Variants in ZNF362 observed in about 807,000 individuals in gnomAD.
ZNF362 encodes zinc finger protein 362.
A neutral mutation model predicts 42.9 loss-of-function variants in ZNF362; 11 were observed. That is an observed-to-expected ratio of 0.26 (90% CI 0.16 to 0.42). The LOEUF (loss-of-function observed/expected upper bound fraction) is 0.42. ZNF362 is among the 20% of genes least tolerant of loss of function. The probability of loss-of-function intolerance (pLI) is 1.00; values close to 1 mark genes in which losing one functional copy is unlikely to be tolerated. For missense variants in ZNF362, 362 were observed against 576.2 expected (o/e 0.63, Z 3.81); for synonymous variants, 255 against 257.3 (o/e 0.99, Z 0.09).
At chr1:33,145,798 C>T in the ZNF362 span, 1 of 465,304 alleles carries the variant, frequency 2.1e-6, no homozygotes, top group South Asian at 1.6e-5. Context: ...GAGTTCTTCA[C>T]GATTGGATGC....
the ZNF362 span, chr1:33,146,968 A>G: frequency 5.0e-6 from 3 of 603,188 alleles, no homozygotes; most frequent in Non-Finnish European, 8.7e-6. Flanking sequence ...ATCCCTATCA[A>G]GGTCAGAGCT....
At chr1:33,287,521 G>A (rs775830958) in intron 6 of ZNF362, among the ~76,000 whole-genome samples, 5 of 152,148 alleles carry the variant, frequency 3.3e-5, no homozygotes, top group Non-Finnish European at 5.9e-5. Context: ...TGTTTTGGGA[G>A]GAAGTTAAGT....
chr1:33,236,162 C>T, the ZNF362 span, among the ~76,000 whole-genome samples: 873 of 151,946 alleles, frequency 5.7e-3, 18 homozygotes, highest in East Asian at 0.083. Context: ...GCTGGATTAG[C>T]GCAATGAATT....
chr1:33,256,773 G>T (rs1363627930), intron 1 of ZNF362, 119 bp downstream of exon 1: 1 of 145,986 alleles, frequency 6.8e-6, no homozygotes, highest in Non-Finnish European at 1.5e-5. Flanking sequence ...CTGTCAGCGC[G>T]GGCCGGGGCG....
chr1:33,216,391 G>A, the ZNF362 span, among the ~76,000 whole-genome samples: 2 of 148,364 alleles, frequency 1.3e-5, no homozygotes, highest in African/African-American at 2.5e-5. Flanking sequence ...CATGAGGTCA[G>A]GAGTTCGAGA....
At chr1:33,297,351 C>CCAA (rs1557801698) in intron 8 of ZNF362, among the ~76,000 whole-genome samples, 1 of 151,646 alleles carries the variant, frequency 6.6e-6, no homozygotes, top group Non-Finnish European at 1.5e-5. Context: ...CTTTATCTCT[C>CCAA]TGATAAAGAC....
the ZNF362 span, among the ~76,000 whole-genome samples, chr1:33,193,022 T>TATATAC: frequency 7.2e-6 from 1 of 139,248 alleles, no homozygotes; most frequent in East Asian, 2.1e-4. Flanking sequence ...TATATATATA[T>TATATAC]ACGCATATAT....
At chr1:33,212,965 C>T in the ZNF362 span, among the ~76,000 whole-genome samples, 106,934 of 152,012 alleles carry the variant, frequency 0.7, 38,145 homozygotes, top group Non-Finnish European at 0.76. Flanking sequence ...GTCCCAAATC[C>T]ATGGATGAAT....
the ZNF362 span, among the ~76,000 whole-genome samples, chr1:33,250,913 TGG>T: frequency 1.6e-4 from 15 of 91,038 alleles, no homozygotes; most frequent in African/African-American, 5.9e-4. Flanking sequence ...AGAAGGTGCA[TGG>T]TTGATGCTTG....
chr1:33,130,767 C>G, the ZNF362 span, among the ~76,000 whole-genome samples: 1 of 152,182 alleles, frequency 6.6e-6, no homozygotes, highest in Non-Finnish European at 1.5e-5. Flanking sequence ...GGATTAGAAG[C>G]AAAGACAGAA....
the ZNF362 span, among the ~76,000 whole-genome samples, chr1:33,206,805 A>G: frequency 6.6e-6 from 1 of 152,302 alleles, no homozygotes; most frequent in African/African-American, 2.4e-5. Flanking sequence ...ATATATGCAG[A>G]TGGAAAATTA....
chr1:33,192,979 C>CCG, the ZNF362 span, among the ~76,000 whole-genome samples: 4 of 139,810 alleles, frequency 2.9e-5, no homozygotes, highest in African/African-American at 1.0e-4. Context: ...GTCTCTCTCT[C>CCG]CACACACACA....
At chr1:33,144,200 G>A in the ZNF362 span, among the ~76,000 whole-genome samples, 41 of 151,218 alleles carry the variant, frequency 2.7e-4, no homozygotes, top group Non-Finnish European at 5.6e-4. Context: ...GCAATGGCGC[G>A]ATCTCCAGCT....
the ZNF362 span, among the ~76,000 whole-genome samples, chr1:33,191,194 C>A: frequency 3.3e-5 from 5 of 152,104 alleles, no homozygotes; most frequent in African/African-American, 1.2e-4. Context: ...AATTTTATAC[C>A]TACTTAAGAA....
At position 33,295,290 on chromosome 1, in the gene ZNF362, G is replaced by A. The variant is rs867453488; in HGVS notation, c.1131G>A (p.Gly377=). The change falls in exon 8 of 9, where the codon GGG becomes GGA. Residue 377 remains glycine (G), a synonymous_variant. Coordinates refer to ENST00000539719, the MANE Select transcript of ZNF362 (RefSeq NM_152493.3). ...AGGCCTACTGCTGCAGCATGTGTGG[G>A]CGGGCCTACACCTCGGTGAGTGCCG... ...HAKAYCCSMC[G]RAYTSETYLM... is the part of the protein sequence containing the mutation. 1.9e-6 allele frequency: 3 copies of A among 1,614,154 alleles called. No individual in the cohort carries two copies. The highest frequency in any genetic ancestry group is 1.7e-6 in the Non-Finnish European group (2 of 1,180,022).
intron 6 of ZNF362, among the ~76,000 whole-genome samples, chr1:33,286,956 C>A (rs1646037313): frequency 6.6e-6 from 1 of 152,160 alleles, no homozygotes; most frequent in Non-Finnish European, 1.5e-5. Flanking sequence ...AAGATCCACC[C>A]TGGGAGTTGA....
At chr1:33,283,673 C>G (rs1033896898) in intron 6 of ZNF362, among the ~76,000 whole-genome samples, 1 of 152,070 alleles carries the variant, frequency 6.6e-6, no homozygotes, top group African/African-American at 2.4e-5. Flanking sequence ...CCACTGCACT[C>G]CAGCCTGGGG....
chr1:33,256,598 C>A lies in ZNF362; in HGVS notation c.-145C>A. On this transcript the variant is annotated 5_prime_UTR_variant, in exon 1 of 9. Transcript: ENST00000539719. ...GCCGGAGCCCCAGCCCGGCCCTGCT[C>A]GGGCCGCCGGGCGCGGGGCTGCGGC... The A allele has an allele frequency of 6.8e-6, 1 of 146,578 alleles. No individual in the cohort carries two copies. Among genetic ancestry groups the A allele is most frequent in the South Asian group, 1.8e-4 (1 of 5,422 alleles). The allele number at this position is 146,578 out of a possible 1,614,324, so 9.1% of individuals were successfully genotyped here.
At chr1:33,143,351 G>C in the ZNF362 span, 1 of 152,294 alleles carries the variant, frequency 6.6e-6, no homozygotes, top group Admixed American at 6.5e-5. Flanking sequence ...CGCCATGGAG[G>C]GGGTGCTCCG....
Sources: gnomAD v4.1 joint callset for allele counts (sites outside exome capture counted in the v4.1 genomes callset) on GRCh38, gnomAD v4.1.1 for gene constraint, MANE v1.5 for transcripts, NCBI Gene and HGNC (gene_info 2026-07-23, HGNC 2026-07-21) for gene names.